CFAP221: variants seen among roughly 807,000 people sequenced by gnomAD.
CFAP221 encodes cilia- and flagella-associated protein 221.
CFAP221 carries 97 observed loss-of-function variants against 113.1 expected under a neutral mutation model. The observed-to-expected ratio is 0.86, with a 90% CI of 0.73 to 1.02. CFAP221 has a LOEUF of 1.02. CFAP221 is among the 50% of genes least tolerant of loss of function. The probability of loss-of-function intolerance (pLI) is 0.00; values close to 1 mark genes in which losing one functional copy is unlikely to be tolerated. For synonymous variants in CFAP221, 331 were observed against 354.4 expected, an observed-to-expected ratio of 0.93 and a Z score of 0.74; for missense variants, 1,025 against 1,013.4, an observed-to-expected ratio of 1.01 and a Z score of -0.16.
chr2:119,621,711 A>T (rs1432479360), intron 14 of CFAP221, among the ~76,000 whole-genome samples: 2 of 152,226 alleles, frequency 1.3e-5, no homozygotes, highest in Non-Finnish European at 2.9e-5. Context: ...GTGCAATCAA[A>T]TTAGAACTCA....
chr2:119,599,532 A>G (rs1226541518), intron 7 of CFAP221, among the ~76,000 whole-genome samples: 1 of 152,186 alleles, frequency 6.6e-6, no homozygotes, highest in Non-Finnish European at 1.5e-5. Context: ...CGGGAGTAGG[A>G]TGAAGCTAAA....
At chr2:119,582,850 A>C (rs1682943531) in intron 6 of CFAP221, among the ~76,000 whole-genome samples, 1 of 151,710 alleles carries the variant, frequency 6.6e-6, no homozygotes, top group Admixed American at 6.5e-5. Context: ...AAAAAGTAGA[A>C]ATATAAAAGC....
intron 11 of CFAP221, among the ~76,000 whole-genome samples, chr2:119,606,954 T>C (rs1684812912): frequency 6.6e-6 from 1 of 152,040 alleles, no homozygotes; most frequent in Admixed American, 6.6e-5. Context: ...ACAGATAAAT[T>C]GCAAATATCA....
At chr2:119,582,071 C>T (rs1682883729) in intron 6 of CFAP221, among the ~76,000 whole-genome samples, 1 of 152,032 alleles carries the variant, frequency 6.6e-6, no homozygotes, top group Non-Finnish European at 1.5e-5. Context: ...AAACAGTCAA[C>T]CTAAAATTTT....
At chr2:119,602,784 A>G in intron 8 of CFAP221, 1 of 985,286 alleles carries the variant, frequency 1.0e-6, no homozygotes, top group Middle Eastern at 5.2e-4. Context: ...GGTGTTTGCC[A>G]CTTCACATCA....
At position 119,559,982 on chromosome 2, in the gene CFAP221, G is replaced by A. The variant is rs1277918930; in HGVS notation, c.382G>A (p.Asp128Asn). The stretch of plus-strand genomic sequence containing the variant: ...CACGGTCACCGTTACATTTTCTCCA[G>A]ATGAGTGGCGATACTATTATGACTG... ...SLTVTVTFSP[D>N]EWRYYYDCIR... Residue 128 changes from aspartate (D) to asparagine (N), a missense_variant, in exon 5 of 24, where the codon GAT (aspartate) becomes AAT (asparagine). Asp to Asn is a conservative substitution (Grantham distance 23). Coordinates refer to ENST00000413369, the MANE Select transcript of CFAP221 (RefSeq NM_001271049.2). 23 of 1,533,646 alleles carry A rather than the reference G, an allele frequency of 1.5e-5. No homozygotes were observed. The highest frequency in any genetic ancestry group is 1.4e-5 in the Non-Finnish European group (16 of 1,146,102).
At chr2:119,620,882 A>G (rs1343137808) in intron 14 of CFAP221, among the ~76,000 whole-genome samples, 1 of 152,078 alleles carries the variant, frequency 6.6e-6, no homozygotes, top group Non-Finnish European at 1.5e-5. Context: ...GGCTCAAAAT[A>G]AAGGGATGGA....
intron 3 of CFAP221, among the ~76,000 whole-genome samples, chr2:119,555,578 T>C (rs1398844124): frequency 1.3e-5 from 2 of 152,212 alleles, no homozygotes; most frequent in African/African-American, 4.8e-5. Context: ...TGAAGGGATA[T>C]TATTTATAAC....
rs140068620 is a variant in CFAP221, at chr2:119,612,776, T to C, written c.1311+1034T>C. Among the ~76,000 whole-genome samples, 575 of 152,198 alleles carry C rather than the reference T, an allele frequency of 3.8e-3. 7 individuals carry two copies. The highest frequency in any genetic ancestry group is 0.013 in the African/African-American group (540 of 41,522). ...AACCATATCATTCCACCACTGGTCC[T>C]CCAAATCTCATGTCCTCACAATTTA... On this transcript the variant is annotated intron_variant, in intron 13 of 23. Transcript: ENST00000413369.
chr2:119,572,171 T>G (rs1191718080), intron 6 of CFAP221, among the ~76,000 whole-genome samples: 1 of 152,242 alleles, frequency 6.6e-6, no homozygotes, highest in Non-Finnish European at 1.5e-5. Context: ...CAGCCACCTA[T>G]AAACAACTTT....
intron 11 of CFAP221, among the ~76,000 whole-genome samples, chr2:119,606,027 G>C (rs1471199727): frequency 1.3e-5 from 2 of 151,994 alleles, no homozygotes; most frequent in African/African-American, 4.8e-5. Flanking sequence ...TTATGGATAT[G>C]CAACATTTGC....
chr2:119,637,929 T>A (rs957852356), intron 19 of CFAP221, among the ~76,000 whole-genome samples: 2 of 152,240 alleles, frequency 1.3e-5, no homozygotes, highest in African/African-American at 4.8e-5. Flanking sequence ...TAACTCCCCC[T>A]AATTCATCAG....
chr2:119,650,453 A>G (rs1411620792), intron 22 of CFAP221, among the ~76,000 whole-genome samples: 4 of 152,234 alleles, frequency 2.6e-5, no homozygotes, highest in Non-Finnish European at 5.9e-5. Context: ...TGTTCAGCAG[A>G]TACAAACATA....
chr2:119,647,814 A>C (rs1687901182), intron 22 of CFAP221, among the ~76,000 whole-genome samples: 1 of 152,226 alleles, frequency 6.6e-6, no homozygotes, highest in South Asian at 2.1e-4. Flanking sequence ...AATTCATTTA[A>C]GTTTTCTAGT....
intron 7 of CFAP221, among the ~76,000 whole-genome samples, chr2:119,597,533 A>C (rs1480401278): frequency 1.3e-5 from 2 of 152,218 alleles, no homozygotes; most frequent in African/African-American, 4.8e-5. Flanking sequence ...TAAATCTTGG[A>C]ATATTAAAAC....
At chr2:119,599,488 C>A (rs944530604) in intron 7 of CFAP221, among the ~76,000 whole-genome samples, 1 of 152,176 alleles carries the variant, frequency 6.6e-6, no homozygotes, top group African/African-American at 2.4e-5. Context: ...TACACTCTAA[C>A]TAGGAGAAGG....
chr2:119,601,518 G>A (rs1684366167), intron 8 of CFAP221, 141 bp downstream of exon 8: 3 of 753,462 alleles, frequency 4.0e-6, no homozygotes, highest in South Asian at 2.7e-5. Context: ...AAGATATACT[G>A]TAAAACATAA....
At chr2:119,659,057 C>T (rs1688538303), downstream of CFAP221, among the ~76,000 whole-genome samples, 1 of 151,318 alleles carries the variant, frequency 6.6e-6, no homozygotes, top group Admixed American at 6.6e-5. Context: ...TCCAGTCCAA[C>T]ACCTGGGGTT....
intron 21 of CFAP221, among the ~76,000 whole-genome samples, chr2:119,643,594 G>T (rs191537019): frequency 9.7e-4 from 148 of 152,192 alleles, no homozygotes; most frequent in African/African-American, 3.4e-3. Context: ...ACCCAGGCTG[G>T]AGTGCAGTGG....
Sources: gnomAD v4.1 joint callset for allele counts (sites outside exome capture counted in the v4.1 genomes callset) on GRCh38, gnomAD v4.1.1 for gene constraint, MANE v1.5 for transcripts, NCBI Gene and HGNC (gene_info 2026-07-23, HGNC 2026-07-21) for gene names.